The following MAPK6 variants were observed in gnomAD, a reference collection of about 807,000 sequenced individuals.
The protein encoded by MAPK6 is mitogen-activated protein kinase 6, also known as ERK-3.
Under a neutral mutation model 59.3 loss-of-function variants are expected in MAPK6, and 19 were observed. The ratio of observed to expected loss-of-function variants is 0.32; its 90% confidence interval spans 0.22 to 0.47. The LOEUF (loss-of-function observed/expected upper bound fraction) is 0.47. Ranked by LOEUF, MAPK6 falls within the 20% of genes least tolerant of loss-of-function variation. The probability of loss-of-function intolerance (pLI) is 1.00; values close to 1 mark genes in which losing one functional copy is unlikely to be tolerated. For synonymous variants in MAPK6, 316 were observed against 290.3 expected (o/e 1.09, Z -0.90); for missense variants, 724 against 847.9 (o/e 0.85, Z 1.81).
At chr15:52,055,244 C>CA (rs1015379780) in intron 3 of MAPK6, among the ~76,000 whole-genome samples, 11 of 152,006 alleles carry the variant, frequency 7.2e-5, no homozygotes, top group African/African-American at 2.4e-4. Flanking sequence ...CCTGTCTCGA[C>CA]AAAAAACAAA....
intron 1 of MAPK6, among the ~76,000 whole-genome samples, chr15:51,981,902 A>G (rs568272452): frequency 2.0e-5 from 3 of 152,308 alleles, no homozygotes; most frequent in Admixed American, 1.3e-4. Flanking sequence ...GGAAGGAAAG[A>G]AAGGACGGAA....
At chr15:52,043,167 G>A (rs771697653) in intron 1 of MAPK6, among the ~76,000 whole-genome samples, 6 of 152,128 alleles carry the variant, frequency 3.9e-5, no homozygotes, top group Non-Finnish European at 8.8e-5. Context: ...AGGGTATTTA[G>A]TGGGGAGCGA....
At chr15:52,063,528 GC>G (rs2032289592) in intron 5 of MAPK6, among the ~76,000 whole-genome samples, 1 of 7,238 alleles carries the variant, frequency 1.4e-4, no homozygotes, top group Non-Finnish European at 8.3e-4. Flanking sequence ...TCTTCTAGTT[GC>G]CCTTACTGTA....
intron 2 of MAPK6, among the ~76,000 whole-genome samples, chr15:51,989,577 T>C (rs923014354): frequency 6.6e-6 from 1 of 152,090 alleles, no homozygotes; most frequent in Non-Finnish European, 1.5e-5. Flanking sequence ...TCCCCTTATA[T>C]GAACAGAAGC....
At chr15:52,062,910 G>C (rs2032260078) in intron 5 of MAPK6, among the ~76,000 whole-genome samples, 1 of 151,840 alleles carries the variant, frequency 6.6e-6, no homozygotes, top group Non-Finnish European at 1.5e-5. Context: ...TTGATGTATG[G>C]CCAAGTTTGG....
chr15:52,019,641 G>A (rs2030429434), intron 1 of MAPK6, among the ~76,000 whole-genome samples: 1 of 146,374 alleles, frequency 6.8e-6, no homozygotes, highest in Non-Finnish European at 1.5e-5. Flanking sequence ...GGGTCCCCGC[G>A]TGGGGCCGGC....
At chr15:52,016,070 G>GCGCGCGCGCACACACACACACACA, upstream of MAPK6, among the ~76,000 whole-genome samples, 30 of 55,386 alleles carry the variant, frequency 5.4e-4, no homozygotes, top group Non-Finnish European at 9.2e-4. Context: ...GCGCGCGCGC[G>GCGCGCGCGCACACACACACACACA]CACACACACA....
At chr15:52,049,238 T>C (rs1304635024) in intron 2 of MAPK6, among the ~76,000 whole-genome samples, 1 of 152,190 alleles carries the variant, frequency 6.6e-6, no homozygotes, top group Non-Finnish European at 1.5e-5. Context: ...CCTCTGGTGC[T>C]CTTCCCTACT....
intron 3 of MAPK6, among the ~76,000 whole-genome samples, chr15:52,013,281 A>T (rs2030144179): frequency 6.6e-6 from 1 of 151,632 alleles, no homozygotes; most frequent in Admixed American, 6.6e-5. Context: ...CTTTGTAATG[A>T]CTCACTTGAA....
intron 1 of MAPK6, among the ~76,000 whole-genome samples, chr15:52,037,828 A>G (rs1257463325): frequency 6.6e-6 from 1 of 152,172 alleles, no homozygotes; most frequent in African/African-American, 2.4e-5. Flanking sequence ...AGAATATGCT[A>G]TTTACATTGA....
intron 3 of MAPK6, among the ~76,000 whole-genome samples, chr15:52,006,091 A>G (rs982738304): frequency 6.6e-6 from 1 of 152,230 alleles, no homozygotes; most frequent in African/African-American, 2.4e-5. Context: ...TTGTTAGTCT[A>G]AAGTCACTTA....
chr15:51,990,164 A>G (rs1373422019), intron 2 of MAPK6, among the ~76,000 whole-genome samples: 1 of 152,262 alleles, frequency 6.6e-6, no homozygotes, highest in Non-Finnish European at 1.5e-5. Context: ...GATACAAAGA[A>G]GTTAGAAGAC....
At chr15:52,061,798 AATATTTATATCT>A (rs1285674762) in intron 5 of MAPK6, among the ~76,000 whole-genome samples, 3 of 152,164 alleles carry the variant, frequency 2.0e-5, no homozygotes, top group Non-Finnish European at 4.4e-5. Context: ...AATGGTCCTT[AATATTTATATCT>A]ATAAATAGCC....
Position 52,063,907 on chromosome 15 carries a change from A to G in MAPK6, c.1073A>G (p.His358Arg). The change falls in exon 6 of 6, where the codon CAT (histidine) becomes CGT (arginine). Residue 358 changes from histidine (H) to arginine (R), a missense_variant. By Grantham distance (29) the His-to-Arg change is conservative. Around this residue, in one of 4 missense-constraint regions of MAPK6, gnomAD observed 502 missense variants for 507.6 expected, o/e 0.99. Transcript: ENST00000261845. Reference sequence around the variant, plus strand: ...AGTGTATTGATTTTTTTCAGGTATCATGATTGTCAGTTTTCAGAGCATGAT... The same window carrying G: ...AGTGTATTGATTTTTTTCAGGTATCGTGATTGTCAGTTTTCAGAGCATGAT... ...HSHIYNWERY[H>R]DCQFSEHDWP... 1 of 1,537,294 alleles carries G rather than the reference A, an allele frequency of 6.5e-7. No individual in the cohort carries two copies. Among genetic ancestry groups the G allele is most frequent in the Non-Finnish European group, 8.7e-7 (1 of 1,143,706 alleles).
Position 52,060,185 on chromosome 15 carries a change from G to A in MAPK6, c.866-1114G>A, listed in dbSNP as rs540038446. 3.9e-4 allele frequency among the ~76,000 whole-genome samples: 59 copies of A among 152,320 alleles called. 1 individual carries two copies. The South Asian group carries it at 0.012, about 30-fold the overall frequency. The stretch of plus-strand genomic sequence containing the variant: ...GCCCAGGAGTTCAAGGCTACAATGA[G>A]CTATGATCATGCTATTGCACTCCAG... On this transcript the variant is annotated intron_variant, in intron 4 of 5. Transcript: ENST00000261845.
At chr15:52,039,937 T>C (rs2141894627) in intron 1 of MAPK6, among the ~76,000 whole-genome samples, 1 of 152,296 alleles carries the variant, frequency 6.6e-6, no homozygotes, top group Middle Eastern at 3.4e-3. Flanking sequence ...ATTTTAGATT[T>C]AAGGTCCCAT....
intron 1 of MAPK6, among the ~76,000 whole-genome samples, chr15:52,031,929 C>G (rs910799542): frequency 2.0e-5 from 3 of 151,454 alleles, no homozygotes; most frequent in African/African-American, 4.9e-5. Context: ...GAGGCGGAGT[C>G]TCGCTCTGTT....
intron 3 of MAPK6, among the ~76,000 whole-genome samples, chr15:52,010,787 G>C (rs2030033254): frequency 4.6e-5 from 7 of 152,154 alleles, no homozygotes; most frequent in Admixed American, 2.0e-4. Context: ...CCAAAGTGCT[G>C]GGATTATGGG....
chr15:52,059,283 G>A (rs978804189), intron 4 of MAPK6, among the ~76,000 whole-genome samples: 2 of 152,164 alleles, frequency 1.3e-5, no homozygotes, highest in Non-Finnish European at 2.9e-5. Flanking sequence ...TGAGTCCTCT[G>A]TGGGAACACT....
Sources: allele counts gnomAD v4.1 joint callset (sites outside exome capture counted in the v4.1 genomes callset), GRCh38; gene constraint gnomAD v4.1.1; regional missense constraint gnomAD v4.1.1; transcripts MANE v1.5; gene names NCBI Gene and HGNC (gene_info 2026-07-23, HGNC 2026-07-21).